The following PSD3 variants were observed in gnomAD, a reference collection of about 807,000 sequenced individuals.
PSD3 encodes the protein PH and SEC7 domain-containing protein 3.
A neutral mutation model predicts 105.5 loss-of-function variants in PSD3; 49 were observed. The ratio of observed to expected loss-of-function variants is 0.46; its 90% CI spans 0.37 to 0.59. PSD3 has a LOEUF of 0.59. Ranked by LOEUF, PSD3 falls within the 20% of genes least tolerant of loss-of-function variation. The pLI, the probability that PSD3 is intolerant of heterozygous loss-of-function variation, is 0.00. For synonymous variants in PSD3, 557 were observed against 457.8 expected (o/e 1.22, Z -2.77); for missense variants, 1,561 against 1,263.8 (o/e 1.24, Z -3.57).
chr8:18,851,382 A>C (rs577636138), intron 4 of PSD3, among the ~76,000 whole-genome samples: 69 of 152,318 alleles, frequency 4.5e-4, no homozygotes, highest in African/African-American at 1.6e-3. Context: ...AATAGACCAA[A>C]GGGCCAACTG....
chr8:18,974,672 CAA>C (rs142184048), intron 1 of PSD3, among the ~76,000 whole-genome samples: 1 of 130,490 alleles, frequency 7.7e-6, no homozygotes, highest in Admixed American at 7.8e-5. Context: ...CACATCAAGT[CAA>C]AAAAAAAAAA....
intron 9 of PSD3, among the ~76,000 whole-genome samples, chr8:18,747,583 A>C (rs956635780): frequency 2.6e-5 from 4 of 152,226 alleles, no homozygotes; most frequent in African/African-American, 9.6e-5. Flanking sequence ...AACCAGAAAC[A>C]GTTCCCAGTG....
Position 19,042,122 on chromosome 8 carries a change from T to G in PSD3, c.324+42084A>C, listed in dbSNP as rs1293658796. Among the ~76,000 whole-genome samples, 6 of 152,312 alleles carry G rather than the reference T, an allele frequency of 3.9e-5. No individual in the cohort carries two copies. The South Asian group carries it at 1.2e-3, about 32-fold the overall frequency. ...CAAAACAAAACTGATGAGAAACAGCTGAATGAACATGTGGCTTTTAAAACG... is the reference window on the plus strand; with the variant it reads ...CAAAACAAAACTGATGAGAAACAGCGGAATGAACATGTGGCTTTTAAAACG... On this transcript the variant is annotated intron_variant, in intron 1 of 1. Transcript: ENST00000521475.
chr8:18,575,568 G>A (rs994119237), intron 12 of PSD3, among the ~76,000 whole-genome samples: 4 of 152,058 alleles, frequency 2.6e-5, no homozygotes, highest in African/African-American at 4.8e-5. Context: ...AGCTAAGTAA[G>A]GCCAAAGGCA....
chr8:18,589,224 G>A (rs1347314306), intron 12 of PSD3, among the ~76,000 whole-genome samples: 2 of 152,108 alleles, frequency 1.3e-5, no homozygotes, highest in Non-Finnish European at 2.9e-5. Context: ...CAAGCTTATA[G>A]ACTCCATAGG....
rs144020924 is a variant in PSD3 at position 18,865,415 on chromosome 8, G to C, written c.1634+2259C>G. On this transcript the variant is annotated intron_variant, in intron 4 of 15. Coordinates refer to ENST00000327040, the MANE Select transcript of PSD3 (RefSeq NM_015310.4). Reference sequence around the variant, plus strand: ...ACAACTTCTCCAAATCAGCAAGGAAGGTAGAAGGGAGTAAAGAAAAATATG... The same window carrying C: ...ACAACTTCTCCAAATCAGCAAGGAACGTAGAAGGGAGTAAAGAAAAATATG... Among the ~76,000 whole-genome samples the C allele has an allele frequency of 8.7e-5, 13 of 149,824 alleles. No individual in the cohort carries two copies. In the East Asian group the frequency reaches 2.4e-3, roughly 27 times the overall value.
At chr8:18,586,497 G>C (rs1027794998) in intron 12 of PSD3, among the ~76,000 whole-genome samples, 13 of 152,134 alleles carry the variant, frequency 8.5e-5, no homozygotes, top group African/African-American at 3.1e-4. Context: ...TAACTGATGA[G>C]CAACTAATAA....
intron 1 of PSD3, among the ~76,000 whole-genome samples, chr8:19,061,803 T>TA (rs397893093): frequency 0.1 from 14,683 of 142,042 alleles, 770 homozygotes; most frequent in African/African-American, 0.14. Context: ...AGACTCCGTC[T>TA]AAAAAAAAAA....
Position 18,632,752 on chromosome 8 carries a change from G to C in PSD3, c.2271C>G (p.Asn757Lys). The stretch of plus-strand genomic sequence containing the variant: ...GACTGATGGTCTTTGGATGTGTTCC[G>C]TTAGCTTTCTCCTCAGTACTTTCTG... Reference protein sequence around the residue: ...SPSESTEEKANGTHPKTISRI... With the variant: ...SPSESTEEKAKGTHPKTISRI... Residue 757 changes from asparagine to lysine, a missense_variant, in exon 11 of 16, where the codon AAC (asparagine) becomes AAG (lysine). Transcript: ENST00000327040. The C allele has an allele frequency of 6.2e-7, 1 of 1,605,890 alleles. No individual in the cohort carries two copies. Among genetic ancestry groups the C allele is most frequent in the Non-Finnish European group, 8.5e-7 (1 of 1,173,358 alleles).
At chr8:18,991,398 A>ACACG (rs1825797426) in intron 1 of PSD3, among the ~76,000 whole-genome samples, 1 of 148,114 alleles carries the variant, frequency 6.8e-6, no homozygotes, top group Admixed American at 6.7e-5. Context: ...ACACACACAC[A>ACACG]CACTCCTGAA....
intron 1 of PSD3, among the ~76,000 whole-genome samples, chr8:18,957,714 G>C (rs576566756): frequency 6.6e-6 from 1 of 152,296 alleles, no homozygotes; most frequent in African/African-American, 2.4e-5. Flanking sequence ...TGCTCATCTA[G>C]AACACAGCAG....
chr8:18,763,413 A>G (rs1470588161), intron 9 of PSD3, among the ~76,000 whole-genome samples: 3 of 152,170 alleles, frequency 2.0e-5, no homozygotes, highest in Non-Finnish European at 4.4e-5. Flanking sequence ...AGATGACACC[A>G]AATTTTGAAA....
chr8:19,054,653 T>C (rs1828648046), intron 1 of PSD3, among the ~76,000 whole-genome samples: 1 of 152,218 alleles, frequency 6.6e-6, no homozygotes, highest in Non-Finnish European at 1.5e-5. Flanking sequence ...AAGGAATTCA[T>C]ATTTTTGGTA....
At chr8:18,564,642 A>G (rs967454399) in intron 14 of PSD3, among the ~76,000 whole-genome samples, 1 of 151,798 alleles carries the variant, frequency 6.6e-6, no homozygotes, top group Non-Finnish European at 1.5e-5. Context: ...AAAAAAAAAA[A>G]AAGATATTTA....
In PSD3 at chr8:18,945,974, A is replaced by C. The variant is rs567339122; in HGVS notation, c.22-9832T>G. Among the ~76,000 whole-genome samples the C allele has an allele frequency of 3.9e-4, 59 of 152,072 alleles. No homozygotes were observed. The South Asian group carries it at 0.012, about 30-fold the overall frequency. ...GGCGAAAGAGTGAGACTCCATCTCC[A>C]AAAAAAATTAATAAATAAGTTCACA... On this transcript the variant is annotated intron_variant, in intron 1 of 15. Coordinates refer to ENST00000327040, the MANE Select transcript of PSD3 (RefSeq NM_015310.4).
chr8:18,653,854 G>A (rs1046196282), intron 10 of PSD3, among the ~76,000 whole-genome samples: 4 of 151,428 alleles, frequency 2.6e-5, no homozygotes, highest in African/African-American at 9.7e-5. Context: ...AATCTTCAAT[G>A]TATTCTCTTG....
intron 4 of PSD3, among the ~76,000 whole-genome samples, chr8:18,818,737 T>A (rs538467073): frequency 4.6e-5 from 7 of 152,244 alleles, no homozygotes; most frequent in Non-Finnish European, 8.8e-5. Context: ...GTCTTTAAAA[T>A]CAGTTGGGAA....
At chr8:18,657,613 T>C (rs912625434) in intron 9 of PSD3, among the ~76,000 whole-genome samples, 1 of 152,194 alleles carries the variant, frequency 6.6e-6, no homozygotes, top group Non-Finnish European at 1.5e-5. Context: ...CAATCTATGA[T>C]ATAGTTAATG....
intron 4 of PSD3, among the ~76,000 whole-genome samples, chr8:18,832,916 G>A (rs1586166767): frequency 2.0e-5 from 3 of 152,216 alleles, no homozygotes; most frequent in Admixed American, 2.0e-4. Flanking sequence ...CGGGGATTAT[G>A]GGAACTACAA....
Sources: gnomAD v4.1 joint callset for allele counts (sites outside exome capture counted in the v4.1 genomes callset) on GRCh38, gnomAD v4.1.1 for gene constraint, MANE v1.5 for transcripts, NCBI Gene and HGNC (gene_info 2026-07-23, HGNC 2026-07-21) for gene names.